Variants in TTC23 observed in about 807,000 individuals in gnomAD.
TTC23 encodes the protein tetratricopeptide repeat domain 23.
A neutral mutation model predicts 55.1 loss-of-function variants in TTC23; 58 were observed. That is an observed-to-expected ratio of 1.05 (90% CI 0.85 to 1.31). TTC23 has a LOEUF of 1.31. Among genes scored for constraint, TTC23 ranks in the 50% most tolerant of loss-of-function variants. The probability of loss-of-function intolerance (pLI) is 0.00; values close to 1 mark genes in which losing one functional copy is unlikely to be tolerated. For missense variants in TTC23, 516 were observed against 534.4 expected, an observed-to-expected ratio of 0.97 and a Z score of 0.34; for synonymous variants, 203 against 199.9, an observed-to-expected ratio of 1.02 and a Z score of -0.13.
chr15:99,245,913 T>TCCTGACTCAGCCTC, intron 1 of TTC23, among the ~76,000 whole-genome samples: 1 of 151,202 alleles, frequency 6.6e-6, no homozygotes. Context: ...CAAGACATTC[T>TCCTGACTCAGCCTC]CCTGACTCAG....
intron 9 of TTC23, among the ~76,000 whole-genome samples, chr15:99,195,569 T>C (rs933617638): frequency 6.6e-6 from 1 of 152,076 alleles, no homozygotes; most frequent in African/African-American, 2.4e-5. Context: ...TGCCAGAGTT[T>C]AGGGGGAAGG....
intron 5 of TTC23, among the ~76,000 whole-genome samples, chr15:99,222,976 G>C (rs113213128): frequency 0.025 from 3,836 of 152,238 alleles, 174 homozygotes; most frequent in African/African-American, 0.087. Context: ...CAGCCTGGGC[G>C]ACACAGCGAG....
chr15:99,229,436 AC>A (rs2152070824), intron 4 of TTC23, among the ~76,000 whole-genome samples: 1 of 152,138 alleles, frequency 6.6e-6, no homozygotes, highest in Non-Finnish European at 1.5e-5. Context: ...AAAATAAATC[AC>A]CCCAGTTTAT....
intron 12 of TTC23, chr15:99,139,665 T>A: frequency 7.0e-7 from 1 of 1,425,062 alleles, no homozygotes; most frequent in Non-Finnish European, 9.3e-7. Flanking sequence ...GTAGTATTTT[T>A]AAAAATAAAG....
chr15:99,233,631 AC>A (rs1162212480), intron 4 of TTC23, among the ~76,000 whole-genome samples: 4 of 152,226 alleles, frequency 2.6e-5, no homozygotes, highest in African/African-American at 9.6e-5. Context: ...CCTACAGCTA[AC>A]ATCAGACTTA....
rs781965722 is a variant in TTC23 at position 99,137,959 on chromosome 15, C to T, written c.*51G>A. 1.2e-6 allele frequency: 2 copies of T among 1,610,660 alleles called. No individual in the cohort carries two copies. ...CTAGGCGGAGGTGATTTGTACAGCA[C>T]CCTAAATGACAGTGCCCAGGAATGT... On this transcript the variant is annotated 3_prime_UTR_variant, in exon 14 of 14. Coordinates refer to ENST00000394132, the MANE Select transcript of TTC23 (RefSeq NM_001288615.3).
intron 9 of TTC23, among the ~76,000 whole-genome samples, chr15:99,186,878 A>G (rs145979293): frequency 1.3e-5 from 2 of 152,064 alleles, no homozygotes; most frequent in African/African-American, 2.4e-5. Context: ...TACTTCCCAA[A>G]TTGAGATACA....
chr15:99,222,992 G>T (rs2861373), intron 5 of TTC23, among the ~76,000 whole-genome samples: 1 of 152,000 alleles, frequency 6.6e-6, no homozygotes, highest in Non-Finnish European at 1.5e-5. Flanking sequence ...GCGAGACTCC[G>T]TCTCAAAACA....
intron 3 of TTC23, among the ~76,000 whole-genome samples, chr15:99,240,865 G>T (rs1172010608): frequency 6.6e-6 from 1 of 152,138 alleles, no homozygotes; most frequent in East Asian, 1.9e-4. Context: ...TAATTTCAGA[G>T]ATGTTCAAAT....
chr15:99,244,382 C>T (rs570035959), intron 2 of TTC23, among the ~76,000 whole-genome samples: 1 of 152,144 alleles, frequency 6.6e-6, no homozygotes, highest in Admixed American at 6.5e-5. Flanking sequence ...GTAGAAAATC[C>T]TAAGGATTCC....
chr15:99,230,257 T>G (rs1410365024), intron 4 of TTC23, among the ~76,000 whole-genome samples: 1 of 152,042 alleles, frequency 6.6e-6, no homozygotes, highest in Admixed American at 6.6e-5. Flanking sequence ...GATGAAAATG[T>G]GTGGGATTAA....
chr15:99,159,152 T>G (rs1277540157), intron 11 of TTC23: 1 of 152,292 alleles, frequency 6.6e-6, no homozygotes, highest in South Asian at 2.1e-4. Flanking sequence ...TCTGGGTGAC[T>G]TGGGCAAGGG....
intron 10 of TTC23, among the ~76,000 whole-genome samples, chr15:99,173,480 G>A (rs1483972577): frequency 2.6e-5 from 4 of 152,140 alleles, no homozygotes; most frequent in Admixed American, 6.5e-5. Context: ...CACCTACTTC[G>A]CAGGCTGAGG....
chr15:99,167,365 A>G (rs538292941), intron 10 of TTC23, among the ~76,000 whole-genome samples: 2 of 152,392 alleles, frequency 1.3e-5, no homozygotes, highest in South Asian at 2.1e-4. Context: ...AGGCCTGGGC[A>G]GAAGCTGAGG....
chr15:99,153,282 T>C (rs1405625958), intron 12 of TTC23, among the ~76,000 whole-genome samples: 1 of 152,238 alleles, frequency 6.6e-6, no homozygotes, highest in African/African-American at 2.4e-5. Context: ...AAAGACAAGG[T>C]TCATATTTGT....
chr15:99,171,866 G>A (rs1029017167), intron 10 of TTC23, among the ~76,000 whole-genome samples: 16 of 151,744 alleles, frequency 1.1e-4, no homozygotes, highest in Admixed American at 2.6e-4. Context: ...CACTGGGCCC[G>A]GCCTCTCAGT....
intron 3 of TTC23, among the ~76,000 whole-genome samples, chr15:99,238,887 T>C (rs965823122): frequency 1.3e-4 from 20 of 152,146 alleles, no homozygotes; most frequent in African/African-American, 4.8e-4. Context: ...TTTCCAGTCT[T>C]TTTTTGACCA....
At chr15:99,159,226 G>A (rs1188330790) in intron 11 of TTC23, 1 of 152,292 alleles carries the variant, frequency 6.6e-6, no homozygotes, top group Admixed American at 6.5e-5. Flanking sequence ...ATGGTGGGAA[G>A]CCAGGCAGTA....
At position 99,168,388 on chromosome 15, in the gene TTC23, G is replaced by C. The variant is rs188731154; in HGVS notation, c.866-6521C>G. On this transcript the variant is annotated intron_variant, in intron 10 of 13. Transcript: ENST00000394132. Reference sequence around the variant, plus strand: ...AGGAAAGTGACCAGCCCCCCTCCATGACCACAACTTGGGGCCACCATGTAG... The same window carrying C: ...AGGAAAGTGACCAGCCCCCCTCCATCACCACAACTTGGGGCCACCATGTAG... Among the ~76,000 whole-genome samples the C allele has an allele frequency of 8.6e-4, 131 of 152,218 alleles. 1 individual carries two copies. The highest frequency in any genetic ancestry group is 3.0e-3 in the African/African-American group (126 of 41,546).
Sources: gnomAD v4.1 joint callset for allele counts (sites outside exome capture counted in the v4.1 genomes callset) on GRCh38, gnomAD v4.1.1 for gene constraint, MANE v1.5 for transcripts, NCBI Gene and HGNC (gene_info 2026-07-23, HGNC 2026-07-21) for gene names.